SLC10A2: variants seen among roughly 807,000 people sequenced by gnomAD.
SLC10A2 encodes solute carrier family 10 member 2, also known as ileal sodium/bile acid cotransporter.
SLC10A2 carries 34 observed loss-of-function variants against 27.1 expected under a neutral mutation model. The observed-to-expected ratio is 1.26, with a 90% CI of 0.96 to 1.67. SLC10A2 has a LOEUF of 1.67. SLC10A2 is among the 40% of genes most tolerant of loss of function. SLC10A2 has a pLI of 0.00. For synonymous variants in SLC10A2, 205 were observed against 174.0 expected (o/e 1.18, Z -1.40); for missense variants, 530 against 444.4 (o/e 1.19, Z -1.73).
At chr13:103,054,909 G>A (rs760737376) in intron 2 of SLC10A2, among the ~76,000 whole-genome samples, 1 of 152,102 alleles carries the variant, frequency 6.6e-6, no homozygotes, top group African/African-American at 2.4e-5. Flanking sequence ...TCTGTAAAGT[G>A]CCTGTCTATG....
At chr13:103,060,538 G>C (rs1033648616) in intron 1 of SLC10A2, among the ~76,000 whole-genome samples, 2 of 151,932 alleles carry the variant, frequency 1.3e-5, no homozygotes, top group African/African-American at 2.4e-5. Context: ...ACCATGCCAG[G>C]CTAATTTTTA....
intron 5 of SLC10A2, 95 bp from the exon 6 acceptor site, chr13:103,046,355 G>A: frequency 9.4e-7 from 1 of 1,062,238 alleles, no homozygotes; most frequent in Non-Finnish European, 1.4e-6. Flanking sequence ...TCACATGGCA[G>A]ATCACATTTT....
chr13:103,059,072 C>A (rs753195486), intron 1 of SLC10A2, among the ~76,000 whole-genome samples: 5 of 152,216 alleles, frequency 3.3e-5, no homozygotes, highest in Non-Finnish European at 7.3e-5. Flanking sequence ...ACACTCCCAC[C>A]AACAGAAGAT....
intron 5 of SLC10A2, among the ~76,000 whole-genome samples, chr13:103,047,215 A>G (rs764885033): frequency 6.6e-6 from 1 of 152,172 alleles, no homozygotes; most frequent in Non-Finnish European, 1.5e-5. Context: ...TGCTCAATAA[A>G]TGTTAACGTT....
In SLC10A2 at chr13:103,066,143, G is replaced by A. The variant is rs200854966; in HGVS notation, c.107C>T (p.Thr36Met). ...FNNILSVVLS[T>M]VLTILLALVM... is the part of the protein sequence containing the mutation. ...CAAGGCCAACAGGATGGTCAGCACC[G>A]TACTTAGGACCACACTTAGGATGTT... Residue 36 changes from threonine to methionine, a missense_variant, in exon 1 of 6, where the codon ACG (threonine) becomes ATG (methionine). Physicochemically the swap from Thr to Met is moderately conservative, Grantham distance 81. Transcript: ENST00000245312. 2.2e-5 allele frequency: 36 copies of A among 1,613,904 alleles called. No homozygotes were observed. The highest frequency in any genetic ancestry group is 3.3e-5 in the South Asian group (3 of 91,080).
At chr13:103,052,785 T>C (rs1875825698) in intron 2 of SLC10A2, 77 bp from the exon 3 acceptor site, 4 of 888,290 alleles carry the variant, frequency 4.5e-6, no homozygotes, top group Non-Finnish European at 5.7e-6. Flanking sequence ...ACAAGCAGCC[T>C]GAAGAAAGAT....
intron 5 of SLC10A2, among the ~76,000 whole-genome samples, chr13:103,047,020 T>G (rs1356161635): frequency 1.3e-5 from 2 of 152,218 alleles, no homozygotes; most frequent in East Asian, 3.8e-4. Context: ...TATCTGATTT[T>G]TCTTCTACTT....
chr13:103,060,342 C>A (rs375133733), intron 1 of SLC10A2, among the ~76,000 whole-genome samples: 1 of 151,270 alleles, frequency 6.6e-6, no homozygotes, highest in East Asian at 1.9e-4. Flanking sequence ...GCACTTAGAC[C>A]AATGCAAAGC....
At chr13:103,057,629 C>A (rs1595440968) in intron 2 of SLC10A2, among the ~76,000 whole-genome samples, 2 of 152,180 alleles carry the variant, frequency 1.3e-5, no homozygotes, top group South Asian at 4.2e-4. Context: ...TGCATGTTAT[C>A]CCACTTTGGG....
intron 1 of SLC10A2, among the ~76,000 whole-genome samples, chr13:103,064,394 C>T (rs1200522650): frequency 6.6e-6 from 1 of 152,106 alleles, no homozygotes; most frequent in African/African-American, 2.4e-5. Context: ...GTTTTTAGCT[C>T]ACAGAAGAGA....
At position 103,065,989 on chromosome 13, in the gene SLC10A2, C is replaced by G. The variant is rs200682819; in HGVS notation, c.261G>C (p.Ser87=). 23 of 1,613,870 alleles carry G rather than the reference C, an allele frequency of 1.4e-5. 1 individual carries two copies. The East Asian group carries it at 4.2e-4, about 30-fold the overall frequency. Residue 87 remains serine, a synonymous_variant, in exon 1 of 6, where the codon TCG becomes TCC. Transcript: ENST00000245312. ...GGAGCGGGAGGATGTCAAAGGCCAC[C>G]GACAGGATGAATCCTGTGAGGGGCA... ...GIMPLTGFIL[S]VAFDILPLQA...
At chr13:103,060,231 G>A (rs1053731761) in intron 1 of SLC10A2, among the ~76,000 whole-genome samples, 1 of 152,032 alleles carries the variant, frequency 6.6e-6, no homozygotes, top group African/African-American at 2.4e-5. Context: ...GAAAGCAGGC[G>A]GTGCCACTTA....
rs538873632 is a variant in SLC10A2 at position 103,052,967 on chromosome 13, G to T, written c.497-259C>A. On this transcript the variant is annotated intron_variant, in intron 2 of 5. Transcript: ENST00000245312. ...GCTGTAAATTCTTTCACTAAATTCT[G>T]CATTAATTTTTTAGAGTTTCTTATT... Among the ~76,000 whole-genome samples the T allele has an allele frequency of 2.6e-5, 4 of 151,994 alleles. No individual in the cohort carries two copies. The South Asian group carries it at 8.3e-4, about 32-fold the overall frequency.
At chr13:103,063,822 T>C (rs1461785358) in intron 1 of SLC10A2, among the ~76,000 whole-genome samples, 1 of 152,212 alleles carries the variant, frequency 6.6e-6, no homozygotes, top group Non-Finnish European at 1.5e-5. Flanking sequence ...GAATAAGTGC[T>C]ACAGAAACCA....
Position 103,051,369 on chromosome 13 carries a change from G to T in SLC10A2, c.649C>A (p.Gln217Lys). 6.2e-7 allele frequency: 1 copy of T among 1,613,988 alleles called. No individual in the cohort carries two copies. Among genetic ancestry groups the T allele is most frequent in the Non-Finnish European group, 8.5e-7 (1 of 1,179,956 alleles). Reference sequence around the variant, plus strand: ...TTGGGAGCAATGATCCAGGCGCTTTGGTACAATATTCCTCCAACCACAGCT... The same window carrying T: ...TTGGGAGCAATGATCCAGGCGCTTTTGTACAATATTCCTCCAACCACAGCT... ...LIAVVGGILY[Q>K]SAWIIAPKLW... Residue 217 changes from glutamine to lysine, a missense_variant, in exon 4 of 6, where the codon CAA (glutamine) becomes AAA (lysine). Gln to Lys is a moderately conservative substitution (Grantham distance 53, BLOSUM62 1). Coordinates refer to ENST00000245312, the MANE Select transcript of SLC10A2 (RefSeq NM_000452.3).
rs1876003777 is a variant in SLC10A2, at chr13:103,058,365, C to A, written c.395G>T (p.Cys132Phe). 3 of 1,612,746 alleles carry A rather than the reference C, an allele frequency of 1.9e-6. No individual in the cohort carries two copies. Among genetic ancestry groups the A allele is most frequent in the Non-Finnish European group, 1.7e-6 (2 of 1,178,814 alleles). ...CATTCCGAGGGCAAGCAGTGTGGAG[C>A]ATGTGGTCATGCTGACGCTGAAAGG... ...DMDLSVSMTT[C>F]STLLALGMMP... is the part of the protein sequence containing the mutation. The change falls in exon 2 of 6, where the codon TGC becomes TTC. Residue 132 changes from cysteine (C) to phenylalanine (F), a missense_variant. Transcript: ENST00000245312.
intron 1 of SLC10A2, among the ~76,000 whole-genome samples, chr13:103,061,686 G>C (rs2138924480): frequency 6.6e-6 from 1 of 152,266 alleles, no homozygotes; most frequent in Middle Eastern, 3.4e-3. Context: ...AGGGACAAAA[G>C]AGGGTTTGGA....
In SLC10A2 at chr13:103,066,094, G is replaced by A. The variant is rs71640246; in HGVS notation, c.156C>T (p.Asn52=). 603 of 1,613,922 alleles carry A rather than the reference G, an allele frequency of 3.7e-4. 4 individuals are homozygous for A. The highest frequency in any genetic ancestry group is 2.1e-3 in the South Asian group (195 of 91,080). ...LALVMFSMGC[N]VEIKKFLGHI... is the part of the protein sequence containing the mutation. ...GCCCTAGAAATTTCTTGATTTCCAC[G>A]TTGCATCCCATGGAGAACATCACCA... Residue 52 remains asparagine (N), a synonymous_variant, in exon 1 of 6, where the codon AAC becomes AAT. Coordinates refer to ENST00000245312, the MANE Select transcript of SLC10A2 (RefSeq NM_000452.3).
intron 2 of SLC10A2, among the ~76,000 whole-genome samples, chr13:103,054,252 C>G (rs1197948867): frequency 6.6e-6 from 1 of 152,138 alleles, no homozygotes; most frequent in African/African-American, 2.4e-5. Flanking sequence ...CTTCCCCTTC[C>G]CCTTCTGCCA....
Sources: gnomAD v4.1 joint callset for allele counts (sites outside exome capture counted in the v4.1 genomes callset) on GRCh38, gnomAD v4.1.1 for gene constraint, MANE v1.5 for transcripts, NCBI Gene and HGNC (gene_info 2026-07-23, HGNC 2026-07-21) for gene names.